STAT4: variants seen among roughly 807,000 people sequenced by gnomAD.
STAT4 encodes signal transducer and activator of transcription 4.
STAT4 carries 42 observed loss-of-function variants against 110.5 expected under a neutral mutation model. The observed-to-expected ratio is 0.38, with a 90% CI of 0.30 to 0.49. The LOEUF (loss-of-function observed/expected upper bound fraction) is 0.49. STAT4 is among the 20% of genes least tolerant of loss of function. The pLI is 0.95. For synonymous variants in STAT4, 284 were observed against 302.2 expected (o/e 0.94, Z 0.63); for missense variants, 632 against 887.9 (o/e 0.71, Z 3.66).
rs1489363289 is a variant in STAT4 at position 191,060,593 on chromosome 2, ATTTT to A, written c.1034+1132_1034+1135del. On this transcript the variant is annotated intron_variant, in intron 10 of 23. Transcript: ENST00000392320. The surrounding 1 kb of genome is among the most constrained non-coding windows in gnomAD (Gnocchi z 4.5). ...GCCAACATGCTCAGCTAATTTTTCT[ATTTT>A]TAGTAGAGATGGGGTATTGCCATGT... Among the ~76,000 whole-genome samples the A allele has an allele frequency of 1.3e-5, 2 of 151,948 alleles. No individual in the cohort carries two copies. The highest frequency in any genetic ancestry group is 4.8e-5 in the African/African-American group (2 of 41,330).
intron 13 of STAT4, among the ~76,000 whole-genome samples, chr2:191,057,436 T>C (rs1450111716): frequency 6.6e-6 from 1 of 152,210 alleles, no homozygotes; most frequent in Non-Finnish European, 1.5e-5. Context: ...CAAAATATAC[T>C]GACCAACTAC....
At chr2:191,124,709 G>A (rs1389436992) in intron 3 of STAT4, among the ~76,000 whole-genome samples, 2 of 152,094 alleles carry the variant, frequency 1.3e-5, no homozygotes, top group African/African-American at 4.8e-5. Flanking sequence ...ATCAATATCT[G>A]TGTCTATCTA....
At position 191,077,374 on chromosome 2, in the gene STAT4, A is replaced by G. The variant is rs1697345040; in HGVS notation, c.274-1049T>C. On this transcript the variant is annotated intron_variant, in intron 3 of 23. Coordinates refer to ENST00000392320, the MANE Select transcript of STAT4 (RefSeq NM_003151.4). This position sits in a 1 kb window ranked among gnomAD's most constrained non-coding sequence, Gnocchi z 4.1. ...CTTAATGGATAGAACTAATCTGAAC[A>G]ACACTATCAATTTAGTCAATAGTAT... Among the ~76,000 whole-genome samples the G allele has an allele frequency of 6.6e-6, 1 of 152,230 alleles. No homozygotes were observed. Among genetic ancestry groups the G allele is most frequent in the Non-Finnish European group, 1.5e-5 (1 of 68,044 alleles).
Position 191,031,440 on chromosome 2 carries a change from C to T in STAT4, c.2111+10G>A, listed in dbSNP as rs531208381. 7.5e-6 allele frequency: 12 copies of T among 1,608,904 alleles called. No individual in the cohort carries two copies. In the Admixed American group the frequency reaches 1.9e-4, roughly 25 times the overall value. On this transcript the variant is annotated intron_variant, in intron 22 of 23. Coordinates refer to ENST00000392320, the MANE Select transcript of STAT4 (RefSeq NM_003151.4). This position sits in a 1 kb window ranked among gnomAD's most constrained non-coding sequence, Gnocchi z 4.8. ...ATAAAAATATTTCACATGTGACTAA[C>T]ATTACTCACATTGTTGAGATGGGGA... is the stretch of plus-strand genomic sequence containing the variant.
chr2:191,041,901 GCTCT>G (rs1355032338), intron 14 of STAT4, among the ~76,000 whole-genome samples: 1 of 152,156 alleles, frequency 6.6e-6, no homozygotes, highest in Non-Finnish European at 1.5e-5. Flanking sequence ...AATTACAGAG[GCTCT>G]CTACATTCTG....
chr2:191,064,877 A>G lies in STAT4; in HGVS notation c.712T>C (p.Trp238Arg). 6.2e-7 allele frequency: 1 copy of G among 1,613,414 alleles called. No homozygotes were observed. The highest frequency in any genetic ancestry group is 8.5e-7 in the Non-Finnish European group (1 of 1,179,658). ...CAGGCGATTTGCTGCCGCCGCTTCC[A>G]GTCTTGCAGCTCTTCTATGAGCATG... ...NTMLIEELQD[W>R]KRRQQIACIG... The change falls in exon 8 of 24, where the codon TGG becomes CGG. Residue 238 changes from tryptophan (W) to arginine (R), a missense_variant. This residue lies in a region of STAT4 where 488 missense variants were observed against 632.8 expected (regional missense o/e 0.77). Coordinates refer to ENST00000392320, the MANE Select transcript of STAT4 (RefSeq NM_003151.4).
In STAT4 at chr2:191,150,369, G is replaced by GA. The variant is rs544898913; in HGVS notation, c.-2+577dup. Among the ~76,000 whole-genome samples the GA allele has an allele frequency of 6.6e-4, 100 of 152,300 alleles. No homozygotes were observed. Among genetic ancestry groups the GA allele is most frequent in the African/African-American group, 2.2e-3 (93 of 41,560 alleles). ...TCATGAAAACTGTGACGTTGCTTCT[G>GA]AAAACTCAGTGCCTGTCTGTCCTTT... On this transcript the variant is annotated intron_variant, in intron 1 of 23. Coordinates refer to ENST00000392320, the MANE Select transcript of STAT4 (RefSeq NM_003151.4). This position sits in a 1 kb window ranked among gnomAD's most constrained non-coding sequence, Gnocchi z 6.4.
At chr2:191,151,360 T>G (rs899706600), upstream of STAT4, 3 of 985,662 alleles carry the variant, frequency 3.0e-6, no homozygotes, top group Non-Finnish European at 3.6e-6. This position sits in a 1 kb window ranked among gnomAD's most constrained non-coding sequence, Gnocchi z 4.7. Flanking sequence ...CAGCTTCCTC[T>G]CTCCCTAGTA....
At chr2:191,065,724 G>A (rs1408758101) in intron 7 of STAT4, among the ~76,000 whole-genome samples, 1 of 151,904 alleles carries the variant, frequency 6.6e-6, no homozygotes, top group African/African-American at 2.4e-5. Flanking sequence ...ATTAATTTAG[G>A]GTGAAAATAA....
At chr2:191,136,605 A>C (rs532539734) in intron 3 of STAT4, among the ~76,000 whole-genome samples, 1 of 152,232 alleles carries the variant, frequency 6.6e-6, no homozygotes, top group South Asian at 2.1e-4. Context: ...TACAAAAATT[A>C]GCTGGGTGTG....
In STAT4 at chr2:191,083,180, A is replaced by C. The variant is rs2125288846; in HGVS notation, c.274-6855T>G. On this transcript the variant is annotated intron_variant, in intron 3 of 23. Coordinates refer to ENST00000392320, the MANE Select transcript of STAT4 (RefSeq NM_003151.4). The surrounding 1 kb of genome is among the most constrained non-coding windows in gnomAD (Gnocchi z 4.6). ...CAAGGATTCCAGTGCAAGTCGTTTA[A>C]GTGGGAGTTGGTCCCACAAAACACT... Among the ~76,000 whole-genome samples the C allele has an allele frequency of 6.6e-6, 1 of 152,334 alleles. No individual in the cohort carries two copies. The highest frequency in any genetic ancestry group is 2.1e-4 in the South Asian group (1 of 4,826).
Position 191,093,277 on chromosome 2 carries a change from G to A in STAT4, c.274-16952C>T, listed in dbSNP as rs187547042. Among the ~76,000 whole-genome samples the A allele has an allele frequency of 1.8e-4, 28 of 152,316 alleles. No individual in the cohort carries two copies. The East Asian group carries it at 4.3e-3, about 23-fold the overall frequency. On this transcript the variant is annotated intron_variant, in intron 3 of 23. Coordinates refer to ENST00000392320, the MANE Select transcript of STAT4 (RefSeq NM_003151.4). ...TCCCTGACCCCTGTGTAGCCTAACC[G>A]GGAGACACCTCCCAGTAGGGGCTGA...
At position 191,077,663 on chromosome 2, in the gene STAT4, G is replaced by T. The variant is rs1697354019; in HGVS notation, c.274-1338C>A. On this transcript the variant is annotated intron_variant, in intron 3 of 23. Coordinates refer to ENST00000392320, the MANE Select transcript of STAT4 (RefSeq NM_003151.4). This position sits in a 1 kb window ranked among gnomAD's most constrained non-coding sequence, Gnocchi z 4.1. ...ATCGGTTGTAAACTTTTTTGACTTT[G>T]ACTTTGCTGCCACAATTTTATTAAA... Among the ~76,000 whole-genome samples, 1 of 152,080 alleles carries T rather than the reference G, an allele frequency of 6.6e-6. No individual in the cohort carries two copies. Among genetic ancestry groups the T allele is most frequent in the South Asian group, 2.1e-4 (1 of 4,834 alleles).
At chr2:191,133,623 C>T (rs28489102) in intron 3 of STAT4, among the ~76,000 whole-genome samples, 1,592 of 151,616 alleles carry the variant, frequency 0.011, 86 homozygotes, top group African/African-American at 0.037. Context: ...CTTCTTTGCA[C>T]TTTTTGTGTT....
At position 191,147,946 on chromosome 2, in the gene STAT4, T is replaced by A. The variant is rs1015605070; in HGVS notation, c.128+130A>T. ...CCCCTTCTTTGGGAAGGCTTTCAAATCCTTGAGAAAGTTCTTTACCTGAAA... is the reference window on the plus strand; with the variant it reads ...CCCCTTCTTTGGGAAGGCTTTCAAAACCTTGAGAAAGTTCTTTACCTGAAA... On this transcript the variant is annotated intron_variant, in intron 2 of 23. Transcript: ENST00000392320. The surrounding 1 kb of genome is among the most constrained non-coding windows in gnomAD (Gnocchi z 4.1). 2 of 1,289,592 alleles carry A rather than the reference T, an allele frequency of 1.6e-6. No individual in the cohort carries two copies. The highest frequency in any genetic ancestry group is 5.2e-5 in the East Asian group (2 of 38,472). The allele number at this position is 1,289,592 out of a possible 1,614,324, so 79.9% of individuals were successfully genotyped here. A position where few individuals can be genotyped will look rare whatever the true frequency, so the allele number is the denominator to read the frequency against.
At chr2:191,111,038 G>A (rs999242207) in intron 3 of STAT4, among the ~76,000 whole-genome samples, 1 of 152,034 alleles carries the variant, frequency 6.6e-6, no homozygotes, top group African/African-American at 2.4e-5. Context: ...CACTTGCTTC[G>A]GCCTCCCAAA....
At chr2:191,132,956 G>A (rs1448468069) in intron 3 of STAT4, among the ~76,000 whole-genome samples, 3 of 151,114 alleles carry the variant, frequency 2.0e-5, no homozygotes, top group Admixed American at 2.0e-4. Flanking sequence ...GGGTTTCACC[G>A]TGTTAGCCAG....
At chr2:191,133,750 T>C (rs1348164634) in intron 3 of STAT4, among the ~76,000 whole-genome samples, 1 of 151,670 alleles carries the variant, frequency 6.6e-6, no homozygotes, top group Admixed American at 6.6e-5. Context: ...CAACAGTAAG[T>C]CCAATAATAA....
At position 191,128,669 on chromosome 2, in the gene STAT4, A is replaced by C. The variant is rs191559048; in HGVS notation, c.273+17944T>G. Among the ~76,000 whole-genome samples, 4 of 152,248 alleles carry C rather than the reference A, an allele frequency of 2.6e-5. No individual in the cohort carries two copies. In the East Asian group the frequency reaches 7.7e-4, roughly 29 times the overall value. On this transcript the variant is annotated intron_variant, in intron 3 of 23. Transcript: ENST00000392320. ...TAAGAAATAGGCCATGGTGGTTCAG[A>C]GAGTAGAATATGTGAGGTGCAGGTG... is the stretch of plus-strand genomic sequence containing the variant.
Sources: allele counts gnomAD v4.1 joint callset (sites outside exome capture counted in the v4.1 genomes callset), GRCh38; gene constraint gnomAD v4.1.1; regional missense constraint gnomAD v4.1.1; non-coding constraint Gnocchi (gnomAD v3.1); transcripts MANE v1.5; gene names NCBI Gene and HGNC (gene_info 2026-07-23, HGNC 2026-07-21).